Variants in CDK14 observed in about 807,000 individuals in gnomAD.
CDK14 encodes cyclin-dependent kinase 14.
CDK14 carries 34 observed loss-of-function variants against 60.7 expected under a neutral mutation model. That is an observed-to-expected ratio of 0.56 (90% confidence interval 0.43 to 0.75). The LOEUF (loss-of-function observed/expected upper bound fraction) is 0.75, where lower values mean the gene tolerates loss of function less well. Among genes scored for constraint, CDK14 ranks in the 30% least tolerant of loss-of-function variants. CDK14 has a pLI of 0.00. For synonymous variants in CDK14, 197 were observed against 203.7 expected (o/e 0.97, Z 0.28); for missense variants, 482 against 564.1 (o/e 0.85, Z 1.47).
intron 10 of CDK14, among the ~76,000 whole-genome samples, chr7:90,991,761 A>C (rs1795543900): frequency 6.6e-6 from 1 of 152,206 alleles, no homozygotes. Context: ...TAGACTTTCC[A>C]TGGTTATTCA....
intron 4 of CDK14, among the ~76,000 whole-genome samples, chr7:90,789,545 A>G (rs1805740180): frequency 6.6e-6 from 1 of 152,146 alleles, no homozygotes; most frequent in Non-Finnish European, 1.5e-5. Context: ...ATACAGTATA[A>G]CAACTATTTA....
At chr7:91,111,778 T>C (rs1055541410) in intron 12 of CDK14, among the ~76,000 whole-genome samples, 2 of 152,216 alleles carry the variant, frequency 1.3e-5, no homozygotes, top group Non-Finnish European at 2.9e-5. Context: ...ATTATATTAA[T>C]TATCCAGGCT....
At position 90,719,670 on chromosome 7, in the gene CDK14, G is replaced by A. The variant is rs114224723; in HGVS notation, c.124-6897G>A. 4.9e-3 allele frequency among the ~76,000 whole-genome samples: 739 copies of A among 152,244 alleles called. 5 individuals are homozygous for A. The highest frequency in any genetic ancestry group is 0.017 in the African/African-American group (693 of 41,548). ...CAGATGAATATCCATATGTGTGGGT[G>A]CATCTCAAAGCAAGTTTGAAATTCT... is the stretch of plus-strand genomic sequence containing the variant. On this transcript the variant is annotated intron_variant, in intron 2 of 14. Coordinates refer to ENST00000380050, the MANE Select transcript of CDK14 (RefSeq NM_001287135.2).
chr7:91,022,825 C>T (rs142785945), intron 10 of CDK14, among the ~76,000 whole-genome samples: 2 of 152,178 alleles, frequency 1.3e-5, no homozygotes, highest in African/African-American at 4.8e-5. Context: ...TTTAAAAGCT[C>T]ATTAGATCTT....
At chr7:90,926,809 T>A (rs928436673) in intron 8 of CDK14, among the ~76,000 whole-genome samples, 10 of 152,188 alleles carry the variant, frequency 6.6e-5, no homozygotes, top group Admixed American at 1.3e-4. Flanking sequence ...GAATGCCAGT[T>A]GCAAGTCCTG....
At chr7:91,026,846 C>T (rs1796584863) in intron 10 of CDK14, among the ~76,000 whole-genome samples, 1 of 152,194 alleles carries the variant, frequency 6.6e-6, no homozygotes, top group African/African-American at 2.4e-5. Flanking sequence ...CCTGCCCAAA[C>T]TATTATGACC....
chr7:90,701,105 C>T (rs906781129), intron 2 of CDK14, among the ~76,000 whole-genome samples: 2 of 152,172 alleles, frequency 1.3e-5, no homozygotes, highest in Admixed American at 6.5e-5. Context: ...TTTTTAATAA[C>T]CCTTTTTCCT....
intron 5 of CDK14, among the ~76,000 whole-genome samples, chr7:90,799,640 A>T (rs565624377): frequency 2.1e-4 from 32 of 149,052 alleles, no homozygotes; most frequent in Non-Finnish European, 4.3e-4. Context: ...TAGTGAGACA[A>T]GATCGCGCCA....
In CDK14 at chr7:90,785,637, A is replaced by T. The variant is rs374394470; in HGVS notation, c.465-4936A>T. Among the ~76,000 whole-genome samples, 212 of 152,108 alleles carry T rather than the reference A, an allele frequency of 1.4e-3. 9 individuals are homozygous for T. The South Asian group carries it at 0.043, about 31-fold the overall frequency. On this transcript the variant is annotated intron_variant, in intron 4 of 14. Transcript: ENST00000380050. ...CATCTCTACTAAAAATACAAAAAAA[A>T]TTAGCTAGGCGTGGTGGTGGGCGCC...
intron 7 of CDK14, among the ~76,000 whole-genome samples, chr7:90,912,069 T>C (rs1234519632): frequency 6.6e-6 from 1 of 152,182 alleles, no homozygotes; most frequent in Non-Finnish European, 1.5e-5. Flanking sequence ...AAAATGAACA[T>C]ATTCAAACTG....
At chr7:90,845,669 A>G (rs575999876) in intron 5 of CDK14, among the ~76,000 whole-genome samples, 47 of 152,248 alleles carry the variant, frequency 3.1e-4, no homozygotes, top group African/African-American at 1.1e-3. Context: ...CTTGTAGTAC[A>G]TTGTATTATT....
intron 2 of CDK14, among the ~76,000 whole-genome samples, chr7:90,620,660 A>T (rs1563018390): frequency 6.6e-6 from 1 of 152,150 alleles, no homozygotes; most frequent in Non-Finnish European, 1.5e-5. Flanking sequence ...CGGAGCAGGC[A>T]CCACCGTTTC....
At chr7:90,694,272 C>G (rs1398337993) in intron 2 of CDK14, among the ~76,000 whole-genome samples, 1 of 151,996 alleles carries the variant, frequency 6.6e-6, no homozygotes, top group Admixed American at 6.6e-5. Flanking sequence ...ATTATAAATA[C>G]TAAGGAAACA....
chr7:90,970,210 C>T (rs1794882259), intron 9 of CDK14, among the ~76,000 whole-genome samples: 1 of 152,126 alleles, frequency 6.6e-6, no homozygotes, highest in Admixed American at 6.6e-5. Flanking sequence ...AGGTGATCCA[C>T]CCGCCTCTGC....
intron 11 of CDK14, among the ~76,000 whole-genome samples, chr7:91,049,754 TTTCAGCAATA>T (rs1797339720): frequency 1.3e-5 from 2 of 152,374 alleles, no homozygotes; most frequent in South Asian, 4.1e-4. Flanking sequence ...ACACTTATTA[TTTCAGCAATA>T]TTTCCTGAGC....
chr7:90,956,706 T>C (rs1223500655), intron 9 of CDK14, among the ~76,000 whole-genome samples: 3 of 152,066 alleles, frequency 2.0e-5, no homozygotes, highest in South Asian at 2.1e-4. Flanking sequence ...GCTGGTGCGC[T>C]GCACCCACTA....
chr7:91,083,265 A>G (rs1253645807), intron 12 of CDK14, among the ~76,000 whole-genome samples: 1 of 152,172 alleles, frequency 6.6e-6, no homozygotes, highest in Admixed American at 6.5e-5. Flanking sequence ...TATTGGATGG[A>G]TAAACTCTAA....
At chr7:91,139,109 G>A (rs906117267) in intron 14 of CDK14, among the ~76,000 whole-genome samples, 11 of 152,100 alleles carry the variant, frequency 7.2e-5, no homozygotes, top group Admixed American at 4.6e-4. Flanking sequence ...ACTTCTTACT[G>A]CATGTTTTCT....
At chr7:91,157,675 AT>A (rs1801023383) in intron 14 of CDK14, among the ~76,000 whole-genome samples, 1 of 152,276 alleles carries the variant, frequency 6.6e-6, no homozygotes, top group South Asian at 2.1e-4. Flanking sequence ...TCATACTCAT[AT>A]CCCACAGATG....
Sources: allele counts gnomAD v4.1 joint callset (sites outside exome capture counted in the v4.1 genomes callset), GRCh38; gene constraint gnomAD v4.1.1; transcripts MANE v1.5; gene names NCBI Gene and HGNC (gene_info 2026-07-23, HGNC 2026-07-21).